The following TPD52L1 variants were observed in gnomAD, a reference collection of about 807,000 sequenced individuals.
TPD52L1 encodes the protein tumor protein D53.
In TPD52L1, 18 loss-of-function variants were observed where a neutral mutation model predicts 28.7. The ratio of observed to expected loss-of-function variants is 0.63; its 90% CI spans 0.43 to 0.93. The LOEUF is 0.93. Ranked by LOEUF, TPD52L1 falls within the 40% of genes least tolerant of loss-of-function variation. The pLI, the probability that TPD52L1 is intolerant of heterozygous loss-of-function variation, is 0.00. For missense variants in TPD52L1, 203 were observed against 254.8 expected, an observed-to-expected ratio of 0.80 and a Z score of 1.39; for synonymous variants, 75 against 88.8, an observed-to-expected ratio of 0.84 and a Z score of 0.88.
chr6:125,209,197 A>C (rs1794348487), intron 1 of TPD52L1, among the ~76,000 whole-genome samples: 1 of 152,226 alleles, frequency 6.6e-6, no homozygotes, highest in Non-Finnish European at 1.5e-5. Context: ...ATGAAACCAT[A>C]GGTTCCAGCG....
At chr6:125,232,452 G>A (rs1362878984) in intron 3 of TPD52L1, among the ~76,000 whole-genome samples, 2 of 151,760 alleles carry the variant, frequency 1.3e-5, no homozygotes, top group Non-Finnish European at 2.9e-5. Context: ...CCCATTCCAG[G>A]ACAAAATCTG....
intron 1 of TPD52L1, among the ~76,000 whole-genome samples, chr6:125,159,450 G>C (rs1790363022): frequency 6.6e-6 from 1 of 152,122 alleles, no homozygotes; most frequent in Non-Finnish European, 1.5e-5. Context: ...TGCTTCTTTT[G>C]CTGTTTCTAC....
chr6:125,215,437 G>C (rs1228215371), intron 1 of TPD52L1, among the ~76,000 whole-genome samples: 1 of 152,170 alleles, frequency 6.6e-6, no homozygotes, highest in Non-Finnish European at 1.5e-5. Flanking sequence ...GTGACACCCT[G>C]TGTATAACTC....
intron 4 of TPD52L1, among the ~76,000 whole-genome samples, chr6:125,249,776 A>G (rs1797154740): frequency 6.6e-6 from 1 of 151,162 alleles, no homozygotes; most frequent in African/African-American, 2.4e-5. Context: ...ATACATCTTT[A>G]TAAATTATAT....
In TPD52L1 at chr6:125,200,052, G is replaced by A. The variant is rs187493596; in HGVS notation, c.20-20026G>A. On this transcript the variant is annotated intron_variant, in intron 1 of 6. Coordinates refer to ENST00000534000, the MANE Select transcript of TPD52L1 (RefSeq NM_003287.4). ...AAGCCACCTTTTAAAAAGGGAACAT[G>A]CATTTTCAAAGCCACTGATTATTAA... Among the ~76,000 whole-genome samples the A allele has an allele frequency of 3.3e-5, 5 of 152,270 alleles. No homozygotes were observed. In the East Asian group the frequency reaches 9.6e-4, roughly 29 times the overall value.
chr6:125,227,228 A>G (rs374293718), intron 2 of TPD52L1, among the ~76,000 whole-genome samples: 1 of 152,372 alleles, frequency 6.6e-6, no homozygotes, highest in East Asian at 1.9e-4. Flanking sequence ...GGTATTTAAG[A>G]TGCTTGTGAT....
chr6:125,254,780 T>C (rs1197791064), intron 5 of TPD52L1, among the ~76,000 whole-genome samples: 3 of 152,146 alleles, frequency 2.0e-5, no homozygotes, highest in African/African-American at 7.2e-5. Flanking sequence ...AGTTTGTACA[T>C]CTGATTAAAT....
chr6:125,256,146 G>A (rs1418100668), intron 5 of TPD52L1, among the ~76,000 whole-genome samples: 1 of 152,042 alleles, frequency 6.6e-6, no homozygotes, highest in Admixed American at 6.6e-5. Flanking sequence ...GTCAGAATTC[G>A]AGACCAGCCT....
intron 3 of TPD52L1, among the ~76,000 whole-genome samples, chr6:125,238,878 T>C (rs978129332): frequency 1.4e-4 from 22 of 152,252 alleles, no homozygotes; most frequent in African/African-American, 3.9e-4. Context: ...CAGTCATCAG[T>C]TGATGGGCAT....
At chr6:125,241,758 T>G (rs1278503309) in intron 3 of TPD52L1, among the ~76,000 whole-genome samples, 1 of 152,084 alleles carries the variant, frequency 6.6e-6, no homozygotes, top group African/African-American at 2.4e-5. Flanking sequence ...TTTGTTTATC[T>G]TTTTGAAGAA....
At chr6:125,157,460 G>A (rs9482605) in intron 1 of TPD52L1, among the ~76,000 whole-genome samples, 10,351 of 152,242 alleles carry the variant, frequency 0.068, 476 homozygotes, top group African/African-American at 0.13. Flanking sequence ...GGGATTATGG[G>A]TGGAGCTGTT....
rs1795135766 is a variant in TPD52L1 at position 125,220,072 on chromosome 6, C to T, written c.20-6C>T. The T allele has an allele frequency of 1.9e-6, 3 of 1,607,558 alleles. No homozygotes were observed. Among genetic ancestry groups the T allele is most frequent in the Non-Finnish European group, 2.6e-6 (3 of 1,174,372 alleles). On this transcript the variant is annotated splice_region_variant and splice_polypyrimidine_tract_variant and intron_variant, in intron 1 of 6. Coordinates refer to ENST00000534000, the MANE Select transcript of TPD52L1 (RefSeq NM_003287.4). ...TTGCCTTCTGTTTTATCAATTCTGC[C>T]TAAAGGTTTGTTGGAGACTGAACCG...
chr6:125,260,858 G>A (rs114442625), intron 6 of TPD52L1, among the ~76,000 whole-genome samples: 1,452 of 144,970 alleles, frequency 0.01, 42 homozygotes, highest in African/African-American at 0.035. Flanking sequence ...AAGTGAGAGA[G>A]AGAAAGAAAG....
intron 1 of TPD52L1, among the ~76,000 whole-genome samples, chr6:125,170,584 T>G (rs1432490590): frequency 6.6e-6 from 1 of 152,014 alleles, no homozygotes; most frequent in Admixed American, 6.5e-5. Context: ...ATCATCCTTT[T>G]GGAACTGGGG....
Position 125,264,324 on chromosome 6 carries a change from A to C in TPD52L1, c.*1362A>C, listed in dbSNP as rs981154828. On this transcript the variant is annotated 3_prime_UTR_variant, in exon 7 of 7. Transcript: ENST00000534000. ...ATATATACATATTTGTTAGCATGCT[A>C]ATTGTTCATGTTTTGTGTTTATTAA... 2.6e-5 allele frequency: 4 copies of C among 152,232 alleles called. No homozygotes were observed. The highest frequency in any genetic ancestry group is 9.6e-5 in the African/African-American group (4 of 41,456). The allele number at this position is 152,232 out of a possible 1,614,324, so 9.4% of individuals were successfully genotyped here.
chr6:125,226,718 TGAAA>T (rs1282865689), intron 2 of TPD52L1, among the ~76,000 whole-genome samples: 1 of 139,556 alleles, frequency 7.2e-6, no homozygotes, highest in East Asian at 2.1e-4. Flanking sequence ...TCACTCTAAA[TGAAA>T]GAAAGCAGAA....
At chr6:125,207,732 A>G (rs990845991) in intron 1 of TPD52L1, among the ~76,000 whole-genome samples, 2 of 152,198 alleles carry the variant, frequency 1.3e-5, no homozygotes, top group African/African-American at 2.4e-5. Flanking sequence ...CTTGGTAGCA[A>G]GGGGAACCCA....
At chr6:125,262,456 T>C (rs945176260) in intron 6 of TPD52L1, 1 of 158,128 alleles carries the variant, frequency 6.3e-6, no homozygotes, top group African/African-American at 2.4e-5. Flanking sequence ...TGTTTATACA[T>C]TTGTACAATT....
At chr6:125,236,195 T>C (rs111578335) in intron 3 of TPD52L1, among the ~76,000 whole-genome samples, 58 of 152,292 alleles carry the variant, frequency 3.8e-4, no homozygotes, top group African/African-American at 1.3e-3. Flanking sequence ...TAACATTAAA[T>C]AATTCTTGGA....
Sources: gnomAD v4.1 joint callset for allele counts (sites outside exome capture counted in the v4.1 genomes callset) on GRCh38, gnomAD v4.1.1 for gene constraint, MANE v1.5 for transcripts, NCBI Gene and HGNC (gene_info 2026-07-23, HGNC 2026-07-21) for gene names.